PKNOX2: variants seen among roughly 807,000 people sequenced by gnomAD.
PKNOX2 encodes the protein PBX/knotted 1 homeobox 2.
In PKNOX2, 14 loss-of-function variants were observed where a neutral mutation model predicts 53.1. That is an observed-to-expected ratio of 0.26 (90% CI 0.17 to 0.41). The LOEUF (loss-of-function observed/expected upper bound fraction) is 0.41. PKNOX2 is among the 10% of genes least tolerant of loss of function. The pLI is 1.00. For synonymous variants in PKNOX2, 257 were observed against 242.8 expected (o/e 1.06, Z -0.54); for missense variants, 496 against 602.8 (o/e 0.82, Z 1.85).
intron 2 of PKNOX2, among the ~76,000 whole-genome samples, chr11:125,274,348 C>T (rs965659666): frequency 3.9e-5 from 6 of 152,134 alleles, no homozygotes; most frequent in Non-Finnish European, 8.8e-5. Flanking sequence ...TAAGGGATAT[C>T]GAGCTCCACA....
At chr11:125,360,897 A>G (rs1319630411) in intron 4 of PKNOX2, among the ~76,000 whole-genome samples, 1 of 152,218 alleles carries the variant, frequency 6.6e-6, no homozygotes, top group Non-Finnish European at 1.5e-5. Context: ...AAAAAGGTTG[A>G]GTAACTTGCC....
At chr11:125,398,356 T>C (rs1368006952) in intron 7 of PKNOX2, among the ~76,000 whole-genome samples, 1 of 152,206 alleles carries the variant, frequency 6.6e-6, no homozygotes, top group Admixed American at 6.5e-5. Flanking sequence ...TCCCCCAGAA[T>C]GAGCACCAGA....
intron 4 of PKNOX2, among the ~76,000 whole-genome samples, chr11:125,356,624 C>T (rs1393074399): frequency 1.3e-5 from 2 of 152,246 alleles, no homozygotes; most frequent in Non-Finnish European, 1.5e-5. Context: ...CATTGTCTCA[C>T]TTACCCTGCA....
At chr11:125,318,420 C>A (rs989320652) in intron 2 of PKNOX2, among the ~76,000 whole-genome samples, 15 of 152,022 alleles carry the variant, frequency 9.9e-5, no homozygotes, top group Admixed American at 7.9e-4. Flanking sequence ...TGTGCCCTGC[C>A]CCAACTTTTC....
At chr11:125,263,272 C>G (rs1945023419) in intron 2 of PKNOX2, among the ~76,000 whole-genome samples, 1 of 152,258 alleles carries the variant, frequency 6.6e-6, no homozygotes, top group South Asian at 2.1e-4. Flanking sequence ...TCCCCCACCC[C>G]ACCCCCATCC....
At chr11:125,323,992 G>A (rs1949683346) in intron 2 of PKNOX2, among the ~76,000 whole-genome samples, 1 of 152,106 alleles carries the variant, frequency 6.6e-6, no homozygotes, top group Admixed American at 6.6e-5. Flanking sequence ...TCAGTTCCTA[G>A]CATCCTTTTT....
intron 2 of PKNOX2, among the ~76,000 whole-genome samples, chr11:125,328,972 C>T (rs1007901734): frequency 6.6e-6 from 1 of 152,202 alleles, no homozygotes; most frequent in African/African-American, 2.4e-5. Context: ...GACGAACACA[C>T]CTTTGGACTT....
chr11:125,406,082 G>A (rs904649531), intron 7 of PKNOX2, among the ~76,000 whole-genome samples: 4 of 152,226 alleles, frequency 2.6e-5, no homozygotes, highest in African/African-American at 9.6e-5. Context: ...GAGCAACTCT[G>A]TGTCTAGACA....
intron 7 of PKNOX2, among the ~76,000 whole-genome samples, chr11:125,401,900 G>A (rs1451997438): frequency 6.6e-6 from 1 of 152,130 alleles, no homozygotes; most frequent in Non-Finnish European, 1.5e-5. Context: ...CTCCCCTCTG[G>A]AACATGATCC....
At chr11:125,325,400 T>C (rs1949769424) in intron 2 of PKNOX2, among the ~76,000 whole-genome samples, 1 of 152,136 alleles carries the variant, frequency 6.6e-6, no homozygotes, top group Admixed American at 6.5e-5. Flanking sequence ...CTGGAGTTCA[T>C]GGCTAAGGAC....
intron 1 of PKNOX2, among the ~76,000 whole-genome samples, chr11:125,222,759 A>C (rs553727236): frequency 7.0e-5 from 9 of 128,280 alleles, no homozygotes; most frequent in African/African-American, 2.7e-4. Context: ...GTGCCTGTGT[A>C]TGTGTGTATG....
chr11:125,262,571 C>A (rs1944943016), intron 2 of PKNOX2, among the ~76,000 whole-genome samples: 1 of 151,870 alleles, frequency 6.6e-6, no homozygotes, highest in African/African-American at 2.4e-5. Flanking sequence ...TTTTAATGCC[C>A]GCTCCACCTT....
At chr11:125,280,371 C>T (rs1386085199) in intron 2 of PKNOX2, among the ~76,000 whole-genome samples, 1 of 152,112 alleles carries the variant, frequency 6.6e-6, no homozygotes, top group Non-Finnish European at 1.5e-5. Context: ...GTGTTGGGGA[C>T]CTTGAATGGG....
chr11:125,174,751 A>C (rs1174367661), intron 1 of PKNOX2, among the ~76,000 whole-genome samples: 1 of 151,926 alleles, frequency 6.6e-6, no homozygotes, highest in East Asian at 1.9e-4. Context: ...GGTCAGGGGG[A>C]CAGAAATCAG....
chr11:125,280,714 C>T (rs761588351), intron 2 of PKNOX2, among the ~76,000 whole-genome samples: 11 of 152,106 alleles, frequency 7.2e-5, no homozygotes, highest in Non-Finnish European at 1.3e-4. Context: ...CATCAAGAAC[C>T]GGTGTGGAGT....
intron 1 of PKNOX2, among the ~76,000 whole-genome samples, chr11:125,190,657 C>T (rs1472027234): frequency 1.3e-5 from 2 of 152,122 alleles, no homozygotes; most frequent in East Asian, 1.9e-4. Context: ...CGACCCTGCC[C>T]TGTGATGGCC....
intron 1 of PKNOX2, among the ~76,000 whole-genome samples, chr11:125,222,480 G>A (rs918786261): frequency 1.3e-5 from 2 of 152,096 alleles, no homozygotes; most frequent in African/African-American, 2.4e-5. Flanking sequence ...CTAGGGACTG[G>A]GTTAAAGAAC....
intron 3 of PKNOX2, among the ~76,000 whole-genome samples, chr11:125,338,410 G>C (rs761289180): frequency 3.3e-5 from 5 of 152,098 alleles, no homozygotes; most frequent in Non-Finnish European, 7.4e-5. Flanking sequence ...AGAGAAGAAA[G>C]CTCCGAGGGG....
At chr11:125,354,737 T>A (rs535729202) in intron 4 of PKNOX2, among the ~76,000 whole-genome samples, 105 of 152,326 alleles carry the variant, frequency 6.9e-4, no homozygotes, top group African/African-American at 2.5e-3. Context: ...ATTTTTGAAG[T>A]TTGGGGAATA....
Sources: allele counts gnomAD v4.1 joint callset (sites outside exome capture counted in the v4.1 genomes callset), GRCh38; gene constraint gnomAD v4.1.1; transcripts MANE v1.5; gene names NCBI Gene and HGNC (gene_info 2026-07-23, HGNC 2026-07-21).